MAGI2: variants seen among roughly 807,000 people sequenced by gnomAD.
The protein encoded by MAGI2 is membrane-associated guanylate kinase, WW and PDZ domain-containing protein 2.
A neutral mutation model predicts 133.3 loss-of-function variants in MAGI2; 35 were observed. That is an observed-to-expected ratio of 0.26 (90% CI 0.20 to 0.35). The LOEUF is 0.35. Among genes scored for constraint, MAGI2 ranks in the 10% least tolerant of loss-of-function variants. MAGI2 has a pLI of 1.00. For synonymous variants in MAGI2, 729 were observed against 710.6 expected, an observed-to-expected ratio of 1.03 and a Z score of -0.41; for missense variants, 1,636 against 1,863.4, an observed-to-expected ratio of 0.88 and a Z score of 2.25.
intron 2 of MAGI2, among the ~76,000 whole-genome samples, chr7:78,680,649 A>T (rs1443261476): frequency 6.6e-6 from 1 of 152,172 alleles, no homozygotes; most frequent in Non-Finnish European, 1.5e-5. Flanking sequence ...TAACCTCTGA[A>T]GGAGATTTAA....
At chr7:78,260,099 C>G (rs1443666485) in intron 9 of MAGI2, among the ~76,000 whole-genome samples, 1 of 152,106 alleles carries the variant, frequency 6.6e-6, no homozygotes, top group Non-Finnish European at 1.5e-5. Context: ...TATATAACAA[C>G]TTGATGGTAC....
At chr7:78,506,737 T>C (rs1795126506) in intron 4 of MAGI2, among the ~76,000 whole-genome samples, 1 of 152,204 alleles carries the variant, frequency 6.6e-6, no homozygotes, top group Admixed American at 6.5e-5. Flanking sequence ...TGGCTGCCAG[T>C]TACGGCAGTA....
intron 1 of MAGI2, among the ~76,000 whole-genome samples, chr7:79,141,374 T>C (rs1393992687): frequency 6.6e-6 from 1 of 152,182 alleles, no homozygotes; most frequent in Non-Finnish European, 1.5e-5. Flanking sequence ...CAGTTTTCCC[T>C]TTCAAATGTC....
At chr7:79,122,094 C>G (rs1272398788) in intron 1 of MAGI2, among the ~76,000 whole-genome samples, 1 of 152,142 alleles carries the variant, frequency 6.6e-6, no homozygotes, top group Admixed American at 6.5e-5. Flanking sequence ...TTTCATCTTG[C>G]TGGAAGGGGT....
intron 2 of MAGI2, among the ~76,000 whole-genome samples, chr7:78,865,037 C>A (rs1012684331): frequency 1.1e-4 from 17 of 152,188 alleles, no homozygotes; most frequent in Non-Finnish European, 2.1e-4. Context: ...TATTGCTAAT[C>A]AGGGCCTAGT....
At chr7:78,374,308 T>C (rs6959105) in intron 6 of MAGI2, among the ~76,000 whole-genome samples, 2,252 of 152,228 alleles carry the variant, frequency 0.015, 50 homozygotes, top group African/African-American at 0.051. Context: ...GTTTCTCTGA[T>C]GATTAGTGAT....
chr7:78,666,817 C>A (rs1423897858), intron 2 of MAGI2, among the ~76,000 whole-genome samples: 1 of 152,156 alleles, frequency 6.6e-6, no homozygotes, highest in Non-Finnish European at 1.5e-5. Flanking sequence ...TGCCTAGGGG[C>A]ACCCTTCTAG....
chr7:78,270,471 C>T (rs1088560), intron 9 of MAGI2, among the ~76,000 whole-genome samples: 5,102 of 152,160 alleles, frequency 0.034, 158 homozygotes, highest in Middle Eastern at 0.082. Flanking sequence ...TTGAAGAGGT[C>T]CTTCACATCC....
chr7:78,400,782 G>T (rs747094618), intron 6 of MAGI2, among the ~76,000 whole-genome samples: 11 of 152,152 alleles, frequency 7.2e-5, no homozygotes, highest in Admixed American at 5.2e-4. Context: ...TGGTAGGACG[G>T]CTAACTTATT....
chr7:78,786,002 CAGAG>C lies in MAGI2; in HGVS notation c.419-158767_419-158764del, dbSNP rs199511676. Among the ~76,000 whole-genome samples, 360 of 152,192 alleles carry C rather than the reference CAGAG, an allele frequency of 2.4e-3. 14 individuals are homozygous for C. In the South Asian group the frequency reaches 0.047, roughly 20 times the overall value. Reference sequence around the variant, plus strand: ...ATAGTGAAGCAGGCTGGGAGAGAAACAGAGAGGAGGTGTCTACTGGACATTTATG... The same window carrying C: ...ATAGTGAAGCAGGCTGGGAGAGAAACAGGAGGTGTCTACTGGACATTTATG... On this transcript the variant is annotated intron_variant, in intron 2 of 21. Transcript: ENST00000354212.
At position 79,216,405 on chromosome 7, in the gene MAGI2, G is replaced by A. The variant is rs545796970; in HGVS notation, c.302-209199C>T. Among the ~76,000 whole-genome samples, 41 of 151,994 alleles carry A rather than the reference G, an allele frequency of 2.7e-4. No individual in the cohort carries two copies. In the East Asian group the frequency reaches 2.9e-3, roughly 11 times the overall value. ...GATGCCAGACAAGGGCTTCGGATAC[G>A]GAAAGCTGTCACACTGGCCCTCTGC... On this transcript the variant is annotated intron_variant, in intron 1 of 21. Transcript: ENST00000354212.
chr7:78,830,886 G>A (rs1394018325), intron 2 of MAGI2, among the ~76,000 whole-genome samples: 2 of 152,112 alleles, frequency 1.3e-5, no homozygotes, highest in Admixed American at 6.5e-5. Context: ...TGAATATTAC[G>A]TACACAGCAA....
chr7:78,858,246 A>G (rs1793831855), intron 2 of MAGI2, among the ~76,000 whole-genome samples: 1 of 151,774 alleles, frequency 6.6e-6, no homozygotes, highest in South Asian at 2.1e-4. Flanking sequence ...TTGTGTCTCT[A>G]TCTCCTTCAG....
chr7:78,620,867 C>T (rs749570569), intron 3 of MAGI2, among the ~76,000 whole-genome samples: 1 of 151,990 alleles, frequency 6.6e-6, no homozygotes, highest in Non-Finnish European at 1.5e-5. Flanking sequence ...GCAGATGTTA[C>T]AACAGAAGTG....
At chr7:79,115,191 C>T (rs1584960724) in intron 1 of MAGI2, among the ~76,000 whole-genome samples, 1 of 152,036 alleles carries the variant, frequency 6.6e-6, no homozygotes, top group Non-Finnish European at 1.5e-5. Flanking sequence ...AACCTGTCTA[C>T]CTTAAGAGAA....
intron 6 of MAGI2, among the ~76,000 whole-genome samples, chr7:78,478,832 A>T (rs984918557): frequency 6.6e-6 from 1 of 152,008 alleles, no homozygotes; most frequent in Non-Finnish European, 1.5e-5. Flanking sequence ...CCTGGAATGG[A>T]CAACAGGCAT....
At position 79,355,998 on chromosome 7, in the gene MAGI2, A is replaced by G. The variant is rs1041433331; in HGVS notation, c.301+97022T>C. On this transcript the variant is annotated intron_variant, in intron 1 of 21. Coordinates refer to ENST00000354212, the MANE Select transcript of MAGI2 (RefSeq NM_012301.4). ...TTTAAAATTAAATTCTTTGTAGCAGATATTACAAACAATATCTAGGAAATA... is the reference window on the plus strand; with the variant it reads ...TTTAAAATTAAATTCTTTGTAGCAGGTATTACAAACAATATCTAGGAAATA... Among the ~76,000 whole-genome samples the G allele has an allele frequency of 2.6e-5, 4 of 152,308 alleles. No individual in the cohort carries two copies. In the East Asian group the frequency reaches 5.8e-4, roughly 22 times the overall value.
At chr7:78,145,910 G>A (rs534327108) in intron 16 of MAGI2, among the ~76,000 whole-genome samples, 4 of 152,066 alleles carry the variant, frequency 2.6e-5, no homozygotes, top group Admixed American at 6.6e-5. Flanking sequence ...ACTATCTCCC[G>A]AAGGCCCGTC....
At position 78,345,059 on chromosome 7, in the gene MAGI2, C is replaced by G. The variant is rs563906869; in HGVS notation, c.1225+863G>C. Among the ~76,000 whole-genome samples, 327 of 152,204 alleles carry G rather than the reference C, an allele frequency of 2.1e-3. 4 individuals are homozygous for G. The highest frequency in any genetic ancestry group is 7.3e-3 in the African/African-American group (305 of 41,536). On this transcript the variant is annotated intron_variant, in intron 8 of 21. Transcript: ENST00000354212. The stretch of plus-strand genomic sequence containing the variant: ...ATCTTTGTTGTTACATTTTGGGTGA[C>G]AAGTAATAAACTCTAAAATAATGAG...
Sources: gnomAD v4.1 joint callset for allele counts (sites outside exome capture counted in the v4.1 genomes callset) on GRCh38, gnomAD v4.1.1 for gene constraint, MANE v1.5 for transcripts, NCBI Gene and HGNC (gene_info 2026-07-23, HGNC 2026-07-21) for gene names.